FRMD4B: variants seen among roughly 807,000 people sequenced by gnomAD.
The protein encoded by FRMD4B is FERM domain-containing protein 4B.
FRMD4B carries 74 observed loss-of-function variants against 141.5 expected under a neutral mutation model. The ratio of observed to expected loss-of-function variants is 0.52; its 90% CI spans 0.43 to 0.63. The LOEUF is 0.63. FRMD4B is among the 30% of genes least tolerant of loss of function. The probability of loss-of-function intolerance (pLI) is 0.00; values close to 1 mark genes in which losing one functional copy is unlikely to be tolerated. For synonymous variants in FRMD4B, 506 were observed against 467.9 expected, an observed-to-expected ratio of 1.08 and a Z score of -1.05; for missense variants, 1,366 against 1,253.4, an observed-to-expected ratio of 1.09 and a Z score of -1.36.
At chr3:69,290,322 C>A (rs1269406980) in intron 4 of FRMD4B, among the ~76,000 whole-genome samples, 2 of 152,246 alleles carry the variant, frequency 1.3e-5, no homozygotes, top group African/African-American at 4.8e-5. Flanking sequence ...GAGAAAGGCA[C>A]TAAGCAGAAA....
intron 1 of FRMD4B, among the ~76,000 whole-genome samples, chr3:69,496,629 G>C (rs1004746411): frequency 3.7e-4 from 32 of 86,468 alleles, no homozygotes; most frequent in Non-Finnish European, 5.9e-4. Flanking sequence ...GAGAGAGAGA[G>C]AGAGAGAAAG....
intron 1 of FRMD4B, among the ~76,000 whole-genome samples, chr3:69,447,832 C>T (rs1239965567): frequency 1.3e-5 from 2 of 152,152 alleles, no homozygotes; most frequent in Non-Finnish European, 2.9e-5. Flanking sequence ...TTTTGGTTTG[C>T]ATGATGTTTT....
At chr3:69,207,319 A>AG (rs1316308105) in intron 11 of FRMD4B, among the ~76,000 whole-genome samples, 4 of 150,548 alleles carry the variant, frequency 2.7e-5, no homozygotes, top group African/African-American at 9.8e-5. Flanking sequence ...AAAAAAAAAA[A>AG]AAAAGAAAGA....
At chr3:69,348,839 A>G (rs1703037235) in intron 1 of FRMD4B, among the ~76,000 whole-genome samples, 1 of 152,248 alleles carries the variant, frequency 6.6e-6, no homozygotes, top group South Asian at 2.1e-4. Flanking sequence ...GTATCTCAAA[A>G]TAATAAGAGC....
rs55653336 is a variant in FRMD4B at position 69,426,321 on chromosome 3, CGTGT to C, written c.-1+6309_-1+6312del. 3.3e-5 allele frequency among the ~76,000 whole-genome samples: 5 copies of C among 149,814 alleles called. No homozygotes were observed. In the South Asian group the frequency reaches 6.4e-4, roughly 19 times the overall value. ...TGGATTTGAAACAAACTTTTAAAAG[CGTGT>C]GTGTGTGTGTGTGTGTGCATGTGTG... is the stretch of plus-strand genomic sequence containing the variant. On this transcript the variant is annotated intron_variant, in intron 2 of 5. Transcript: ENST00000459638.
At chr3:69,184,562 G>A (rs1013231757) in intron 19 of FRMD4B, among the ~76,000 whole-genome samples, 2 of 152,198 alleles carry the variant, frequency 1.3e-5, no homozygotes, top group African/African-American at 4.8e-5. Context: ...CATGTAGTTA[G>A]TTAATTCAGT....
Position 69,171,241 on chromosome 3 carries a change from T to A in FRMD4B, c.*620A>T, listed in dbSNP as rs1267456768. Reference sequence around the variant, plus strand: ...AGGTAATCAGTTTTTCCAGAACCCATTTTATGGTGCTTATGAAAAACATCA... The same window carrying A: ...AGGTAATCAGTTTTTCCAGAACCCAATTTATGGTGCTTATGAAAAACATCA... On this transcript the variant is annotated 3_prime_UTR_variant, in exon 23 of 23. Transcript: ENST00000398540. 2 of 152,194 alleles carry A rather than the reference T, an allele frequency of 1.3e-5. No individual in the cohort carries two copies. Among genetic ancestry groups the A allele is most frequent in the Non-Finnish European group, 2.9e-5 (2 of 68,044 alleles). 9.4% of individuals were successfully genotyped at this position (152,194 alleles called of 1,614,324 possible). A position where few individuals can be genotyped will look rare whatever the true frequency, so the allele number is the denominator to read the frequency against.
At chr3:69,212,411 C>T (rs896998911) in intron 11 of FRMD4B, among the ~76,000 whole-genome samples, 5 of 96,204 alleles carry the variant, frequency 5.2e-5, no homozygotes, top group African/African-American at 1.1e-4. Context: ...AGAAAAAAAG[C>T]GATAACAAAA....
chr3:69,399,252 T>C (rs952818498), intron 2 of FRMD4B, among the ~76,000 whole-genome samples: 1 of 152,170 alleles, frequency 6.6e-6, no homozygotes, highest in Non-Finnish European at 1.5e-5. Context: ...GGAAGCTTGT[T>C]TGTGGTCCAG....
rs750362906 is a variant in FRMD4B at position 69,196,941 on chromosome 3, T to C, written c.1051A>G (p.Ile351Val). Reference protein sequence around the residue: ...SLIKSIWVMAISQHQFYLDRK... With the variant: ...SLIKSIWVMAVSQHQFYLDRK... Reference sequence around the variant, plus strand: ...TCCAAGTAAAACTGATGCTGACTAATTGCCATTACCCAAATGGACTTGATG... The same window carrying C: ...TCCAAGTAAAACTGATGCTGACTAACTGCCATTACCCAAATGGACTTGATG... Residue 351 changes from isoleucine to valine, a missense_variant, in exon 13 of 23, where the codon ATT (isoleucine) becomes GTT (valine). Coordinates refer to ENST00000398540, the MANE Select transcript of FRMD4B (RefSeq NM_015123.3). The C allele has an allele frequency of 3.1e-6, 5 of 1,611,704 alleles. No individual in the cohort carries two copies. In the East Asian group the frequency reaches 6.7e-5, roughly 22 times the overall value.
chr3:69,353,912 A>T (rs1386039460), intron 1 of FRMD4B, among the ~76,000 whole-genome samples: 1 of 152,252 alleles, frequency 6.6e-6, no homozygotes, highest in Non-Finnish European at 1.5e-5. Context: ...ATGAAATGTC[A>T]TCTACTGTTT....
chr3:69,356,653 T>A (rs1031972726), intron 1 of FRMD4B, among the ~76,000 whole-genome samples: 1 of 148,984 alleles, frequency 6.7e-6, no homozygotes, highest in Non-Finnish European at 1.5e-5. Context: ...CATATATATA[T>A]AATATCCTAT....
chr3:69,277,274 T>C (rs1456396734), intron 5 of FRMD4B, among the ~76,000 whole-genome samples: 1 of 152,090 alleles, frequency 6.6e-6, no homozygotes, highest in East Asian at 1.9e-4. Context: ...GTTATGTTTG[T>C]TATGTTATCT....
At chr3:69,435,633 T>G (rs1312855023) in intron 1 of FRMD4B, among the ~76,000 whole-genome samples, 1 of 152,204 alleles carries the variant, frequency 6.6e-6, no homozygotes, top group Non-Finnish European at 1.5e-5. Flanking sequence ...AGAGAAAGTT[T>G]GCTGGCCCTT....
chr3:69,233,921 AT>A (rs1321273814), intron 7 of FRMD4B, among the ~76,000 whole-genome samples: 1 of 152,170 alleles, frequency 6.6e-6, no homozygotes, highest in Non-Finnish European at 1.5e-5. Flanking sequence ...CACTGAAGAA[AT>A]GGGACAGGAT....
chr3:69,323,289 G>A (rs1329917105), intron 1 of FRMD4B, among the ~76,000 whole-genome samples: 3 of 151,886 alleles, frequency 2.0e-5, no homozygotes, highest in East Asian at 1.9e-4. Flanking sequence ...TTTTATGGCC[G>A]GGCGTGGTGG....
chr3:69,536,825 C>A, intron 1 of FRMD4B: 1 of 373,012 alleles, frequency 2.7e-6, no homozygotes, highest in South Asian at 2.6e-5. Context: ...CGGCTCACTG[C>A]AGCCTCAACC....
chr3:69,245,343 G>GTTT (rs1247686676), intron 7 of FRMD4B, among the ~76,000 whole-genome samples: 7 of 149,448 alleles, frequency 4.7e-5, no homozygotes, highest in African/African-American at 1.8e-4. Context: ...GTGTGTGTGT[G>GTTT]TGTGTGTGTG....
At chr3:69,464,506 GGACTACAGATTAA>G (rs1173546509) in intron 1 of FRMD4B, among the ~76,000 whole-genome samples, 1 of 152,044 alleles carries the variant, frequency 6.6e-6, no homozygotes, top group African/African-American at 2.4e-5. Flanking sequence ...CATGAAACTA[GGACTACAGATTAA>G]GTAAAGACCA....
Sources: gnomAD v4.1 joint callset for allele counts (sites outside exome capture counted in the v4.1 genomes callset) on GRCh38, gnomAD v4.1.1 for gene constraint, MANE v1.5 for transcripts, NCBI Gene and HGNC (gene_info 2026-07-23, HGNC 2026-07-21) for gene names.